The following ANO2 variants were observed in gnomAD, a reference collection of about 807,000 sequenced individuals.
ANO2 encodes anoctamin 2.
ANO2 carries 101 observed loss-of-function variants against 124.2 expected under a neutral mutation model. That is an observed-to-expected ratio of 0.81 (90% CI 0.69 to 0.96). ANO2 has a LOEUF of 0.96. ANO2 is among the 40% of genes least tolerant of loss of function. The probability of loss-of-function intolerance (pLI) is 0.00; values close to 1 mark genes in which losing one functional copy is unlikely to be tolerated. For missense variants in ANO2, 1,293 were observed against 1,274.5 expected (o/e 1.01, Z -0.22); for synonymous variants, 486 against 482.5 (o/e 1.01, Z -0.09).
intron 15 of ANO2, among the ~76,000 whole-genome samples, chr12:5,646,519 C>G (rs1270102553): frequency 1.3e-5 from 2 of 151,558 alleles, no homozygotes; most frequent in Non-Finnish European, 2.9e-5. Context: ...CTGCTGTATC[C>G]CCAGTGTCTA....
Position 5,827,888 on chromosome 12 carries a change from C to T in ANO2, c.841-68G>A, listed in dbSNP as rs1284249671. ...CCCGCCCTCCACCGTGTGTCACCCT[C>T]ACCACTGCCTGGCAGGGGCGGGAGG... On this transcript the variant is annotated intron_variant, in intron 6 of 24. Transcript: ENST00000682330. 1.4e-5 allele frequency: 22 copies of T among 1,541,080 alleles called. 1 individual carries two copies. The highest frequency in any genetic ancestry group is 1.7e-4 in the Middle Eastern group (1 of 5,880).
intron 3 of ANO2, among the ~76,000 whole-genome samples, chr12:5,879,975 A>G (rs1470650544): frequency 6.6e-6 from 1 of 152,220 alleles, no homozygotes; most frequent in East Asian, 1.9e-4. Flanking sequence ...TCTAGAAAGA[A>G]GTTCAATCAC....
intron 23 of ANO2, among the ~76,000 whole-genome samples, chr12:5,566,617 G>A (rs1941777117): frequency 6.6e-6 from 1 of 152,206 alleles, no homozygotes; most frequent in South Asian, 2.1e-4. Context: ...TGGCTGCCAA[G>A]GAAGGCAGGT....
chr12:5,655,584 AC>A (rs1486971746), intron 14 of ANO2, among the ~76,000 whole-genome samples: 1 of 152,220 alleles, frequency 6.6e-6, no homozygotes, highest in Non-Finnish European at 1.5e-5. Context: ...CTGCAGACGC[AC>A]CAAAAAATAA....
chr12:5,872,161 CT>C (rs1335142510), intron 3 of ANO2, among the ~76,000 whole-genome samples: 1 of 152,134 alleles, frequency 6.6e-6, no homozygotes, highest in Non-Finnish European at 1.5e-5. Flanking sequence ...TGACCCCCAG[CT>C]TTTCCCCAGA....
intron 10 of ANO2, among the ~76,000 whole-genome samples, chr12:5,780,653 G>A (rs1418106584): frequency 6.6e-6 from 1 of 152,094 alleles, no homozygotes; most frequent in Non-Finnish European, 1.5e-5. Context: ...CAACCACAGA[G>A]AGAGAGTCAC....
intron 16 of ANO2, among the ~76,000 whole-genome samples, chr12:5,622,371 T>C (rs1170498839): frequency 6.6e-6 from 1 of 152,196 alleles, no homozygotes; most frequent in Non-Finnish European, 1.5e-5. Context: ...AAACAGCCTG[T>C]GCCTGTGCTT....
At chr12:5,886,790 A>G (rs1014238138) in intron 3 of ANO2, among the ~76,000 whole-genome samples, 1 of 152,216 alleles carries the variant, frequency 6.6e-6, no homozygotes, top group Admixed American at 6.5e-5. Flanking sequence ...TATATGCTAC[A>G]ACATGGATAC....
At chr12:5,613,854 T>C (rs1944666020) in intron 17 of ANO2, among the ~76,000 whole-genome samples, 1 of 152,202 alleles carries the variant, frequency 6.6e-6, no homozygotes, top group African/African-American at 2.4e-5. Flanking sequence ...TAAAACGTCA[T>C]ATGCATGTAA....
intron 4 of ANO2, among the ~76,000 whole-genome samples, chr12:5,837,818 C>A (rs55649817): frequency 0.17 from 25,973 of 151,416 alleles, 2,561 homozygotes; most frequent in Non-Finnish European, 0.21. Context: ...AAAGGAAGAG[C>A]AAACACATTC....
intron 3 of ANO2, among the ~76,000 whole-genome samples, chr12:5,912,522 AT>A (rs1941116397): frequency 6.6e-6 from 1 of 152,284 alleles, no homozygotes; most frequent in East Asian, 1.9e-4. Flanking sequence ...GGAAATAGAC[AT>A]GTACCTGGAT....
At chr12:5,614,895 TC>T (rs1363234324) in intron 17 of ANO2, among the ~76,000 whole-genome samples, 1 of 152,140 alleles carries the variant, frequency 6.6e-6, no homozygotes, top group African/African-American at 2.4e-5. Flanking sequence ...GACATGAAAT[TC>T]CCTCCTGCCT....
chr12:5,797,769 T>C (rs1952908928), intron 10 of ANO2, among the ~76,000 whole-genome samples: 1 of 152,182 alleles, frequency 6.6e-6, no homozygotes, highest in Non-Finnish European at 1.5e-5. Flanking sequence ...CCAGGGACCG[T>C]GGGAGTGTTC....
intron 16 of ANO2, among the ~76,000 whole-genome samples, 152 bp downstream of exon 16, chr12:5,635,000 C>T (rs1484441259): frequency 6.6e-6 from 1 of 152,192 alleles, no homozygotes; most frequent in East Asian, 1.9e-4. Flanking sequence ...CCTACAAATA[C>T]ACACACGTTG....
chr12:5,734,185 T>TC (rs1950761499), intron 13 of ANO2, among the ~76,000 whole-genome samples: 1 of 152,202 alleles, frequency 6.6e-6, no homozygotes, highest in Non-Finnish European at 1.5e-5. Context: ...GTGAGCACAT[T>TC]CAAAACTCTG....
At chr12:5,868,978 G>A (rs1955502990) in intron 3 of ANO2, among the ~76,000 whole-genome samples, 1 of 152,188 alleles carries the variant, frequency 6.6e-6, no homozygotes. Context: ...TCCAACTGTG[G>A]GGAATAATCA....
intron 3 of ANO2, among the ~76,000 whole-genome samples, chr12:5,898,808 T>C (rs1939971614): frequency 6.6e-6 from 1 of 152,188 alleles, no homozygotes. Context: ...TTCATCTGGA[T>C]GGCAGTTCCT....
chr12:5,591,220 C>T (rs190823283), intron 20 of ANO2, among the ~76,000 whole-genome samples: 1 of 152,134 alleles, frequency 6.6e-6, no homozygotes, highest in Non-Finnish European at 1.5e-5. Flanking sequence ...GCTATGCACA[C>T]GGGGAAAATC....
chr12:5,913,628 G>C (rs1213084998), intron 3 of ANO2, among the ~76,000 whole-genome samples: 2 of 152,236 alleles, frequency 1.3e-5, no homozygotes, highest in Non-Finnish European at 2.9e-5. Context: ...CCAAAGCTCA[G>C]ACAGGGTCCA....
Sources: gnomAD v4.1 joint callset for allele counts (sites outside exome capture counted in the v4.1 genomes callset) on GRCh38, gnomAD v4.1.1 for gene constraint, MANE v1.5 for transcripts, NCBI Gene and HGNC (gene_info 2026-07-23, HGNC 2026-07-21) for gene names.